Variants in DBP observed in about 807,000 individuals in gnomAD.
The protein encoded by DBP is D-box binding PAR bZIP transcription factor.
A neutral mutation model predicts 21.4 loss-of-function variants in DBP; 12 were observed. That is an observed-to-expected ratio of 0.56 (90% CI 0.36 to 0.91). The LOEUF is 0.91. Among genes scored for constraint, DBP ranks in the 40% least tolerant of loss-of-function variants. The pLI is 0.01. For synonymous variants in DBP, 213 were observed against 224.9 expected (o/e 0.95, Z 0.47); for missense variants, 423 against 473.4 (o/e 0.89, Z 0.99).
Position 48,635,700 on chromosome 19 carries a change from G to T in DBP, c.430C>A (p.Pro144Thr). 7.5e-7 allele frequency: 1 copy of T among 1,325,178 alleles called. No homozygotes were observed. The highest frequency in any genetic ancestry group is 9.6e-7 in the Non-Finnish European group (1 of 1,046,000). 82.1% of individuals were successfully genotyped at this position (1,325,178 alleles called of 1,614,324 possible). ...PPGGPSPEPSPARTPAPSPGP... is the reference protein window; with the variant it reads ...PPGGPSPEPSTARTPAPSPGP... ...GGGGAGGGTGCGGGCGTCCGCGCGG[G>T]CGACGGCTCCGGCGACGGGCCACCG... Residue 144 changes from proline (P) to threonine (T), a missense_variant, in exon 2 of 4, where the codon CCC becomes ACC. Coordinates refer to ENST00000222122, the MANE Select transcript of DBP (RefSeq NM_001352.5).
rs1249559952 is a variant in DBP at position 48,630,257 on chromosome 19, G to C, written c.*580C>G. Reference sequence around the variant, plus strand: ...AGGAGGGGCAGGTTCCCCGGGGCCGGCGCTAGGATTTGCACTAATGTTCCT... The same window carrying C: ...AGGAGGGGCAGGTTCCCCGGGGCCGCCGCTAGGATTTGCACTAATGTTCCT... On this transcript the variant is annotated 3_prime_UTR_variant, in exon 4 of 4. Coordinates refer to ENST00000222122, the MANE Select transcript of DBP (RefSeq NM_001352.5). The surrounding 1 kb of genome is among the most constrained non-coding windows in gnomAD (Gnocchi z 4.9). 4 of 1,283,078 alleles carry C rather than the reference G, an allele frequency of 3.1e-6. No homozygotes were observed. Among genetic ancestry groups the C allele is most frequent in the African/African-American group, 1.5e-5 (1 of 64,956 alleles). The allele number at this position is 1,283,078 out of a possible 1,614,324, so 79.5% of individuals were successfully genotyped here.
Position 48,630,435 on chromosome 19 carries a change from C to T in DBP, c.*402G>A. 2 of 1,434,262 alleles carry T rather than the reference C, an allele frequency of 1.4e-6. No individual in the cohort carries two copies. Among genetic ancestry groups the T allele is most frequent in the Non-Finnish European group, 1.8e-6 (2 of 1,097,442 alleles). The allele number at this position is 1,434,262 out of a possible 1,614,324, so 88.8% of individuals were successfully genotyped here. ...TTCTGCCCTTCCTCCATCCGACAGC[C>T]CGCGGGAGGACTCAGACTCCAGCAC... On this transcript the variant is annotated 3_prime_UTR_variant, in exon 4 of 4. Transcript: ENST00000222122. The surrounding 1 kb of genome is among the most constrained non-coding windows in gnomAD (Gnocchi z 4.9).
chr19:48,630,702 A>G lies in DBP; in HGVS notation c.*135T>C. 1 of 1,411,006 alleles carries G rather than the reference A, an allele frequency of 7.1e-7. No individual in the cohort carries two copies. Among genetic ancestry groups the G allele is most frequent in the Non-Finnish European group, 9.4e-7 (1 of 1,068,672 alleles). The allele number at this position is 1,411,006 out of a possible 1,614,324, so 87.4% of individuals were successfully genotyped here. A position where few individuals can be genotyped will look rare whatever the true frequency, so the allele number is the denominator to read the frequency against. ...AGGCTCGCTTTTTCTTAAAAATATAAATGTATTTATCTGCATTATCACGTC... is the reference window on the plus strand; with the variant it reads ...AGGCTCGCTTTTTCTTAAAAATATAGATGTATTTATCTGCATTATCACGTC... On this transcript the variant is annotated 3_prime_UTR_variant, in exon 4 of 4. Transcript: ENST00000222122. This position sits in a 1 kb window ranked among gnomAD's most constrained non-coding sequence, Gnocchi z 4.9.
Position 48,633,669 on chromosome 19 carries a change from C to CA in DBP, c.551-15dup. 1 of 1,610,162 alleles carries CA rather than the reference C, an allele frequency of 6.2e-7. No homozygotes were observed. Among genetic ancestry groups the CA allele is most frequent in the Non-Finnish European group, 8.5e-7 (1 of 1,176,992 alleles). The stretch of plus-strand genomic sequence containing the variant: ...GAGAGGTCAGGCCTTGGGGAAACAG[C>CA]ACGTGTCAGCTGAGTGTGTATTTTA... On this transcript the variant is annotated splice_polypyrimidine_tract_variant and intron_variant, in intron 2 of 3. Coordinates refer to ENST00000222122, the MANE Select transcript of DBP (RefSeq NM_001352.5).
Position 48,630,607 on chromosome 19 carries a change from G to C in DBP, c.*230C>G. On this transcript the variant is annotated 3_prime_UTR_variant, in exon 4 of 4. Transcript: ENST00000222122. This position sits in a 1 kb window ranked among gnomAD's most constrained non-coding sequence, Gnocchi z 4.9. The stretch of plus-strand genomic sequence containing the variant: ...CAGGATCGTGTTAACGGAGGCGGTG[G>C]GAGGATAGGGTCCCTGACGTGCCGG... The C allele has an allele frequency of 6.5e-7, 1 of 1,527,066 alleles. No homozygotes were observed. Among genetic ancestry groups the C allele is most frequent in the South Asian group, 1.2e-5 (1 of 82,666 alleles). 94.6% of individuals were successfully genotyped at this position (1,527,066 alleles called of 1,614,324 possible). A position where few individuals can be genotyped will look rare whatever the true frequency, so the allele number is the denominator to read the frequency against.
Position 48,635,857 on chromosome 19 carries a change from C to T in DBP, c.273G>A (p.Pro91=), listed in dbSNP as rs2030769040. The T allele has an allele frequency of 8.6e-6, 12 of 1,396,930 alleles. No individual in the cohort carries two copies. The highest frequency in any genetic ancestry group is 1.6e-5 in the South Asian group (1 of 63,478). 86.5% of individuals were successfully genotyped at this position (1,396,930 alleles called of 1,614,324 possible). A position where few individuals can be genotyped will look rare whatever the true frequency, so the allele number is the denominator to read the frequency against. The change falls in exon 2 of 4, where the codon CCG becomes CCA. Residue 91 remains proline, a synonymous_variant. Coordinates refer to ENST00000222122, the MANE Select transcript of DBP (RefSeq NM_001352.5). Reference sequence around the variant, plus strand: ...ACAGACCCGGGGCGGGCACCGGCCCCGGGCGCCCCCGCGGGGACCCTCCGC... The same window carrying T: ...ACAGACCCGGGGCGGGCACCGGCCCTGGGCGCCCCCGCGGGGACCCTCCGC... ...VVGGGSPRGR[P]GPVPAPGLLA... is the part of the protein sequence containing the mutation.
At position 48,630,960 on chromosome 19, in the gene DBP, C is replaced by T. The variant is rs1253401852; in HGVS notation, c.855G>A (p.Val285=). The change falls in exon 4 of 4, where the codon GTG becomes GTA. Residue 285 remains valine (V), a synonymous_variant. Transcript: ENST00000222122. The surrounding 1 kb of genome is among the most constrained non-coding windows in gnomAD (Gnocchi z 4.9). ...ARRLKENQIS[V]RAAFLEKENA... ...TCTCCTTCTCCAGGAAGGCCGCCCGCACCGATATCTGGTTCTCCTTGAGCC... is the reference window on the plus strand; with the variant it reads ...TCTCCTTCTCCAGGAAGGCCGCCCGTACCGATATCTGGTTCTCCTTGAGCC... 1.2e-6 allele frequency: 2 copies of T among 1,613,482 alleles called. No individual in the cohort carries two copies. Among genetic ancestry groups the T allele is most frequent in the Non-Finnish European group, 1.7e-6 (2 of 1,179,926 alleles).
chr19:48,636,088 G>A (rs1000188827), intron 1 of DBP, 98 bp from the exon 2 acceptor site: 11 of 1,190,386 alleles, frequency 9.2e-6, no homozygotes, highest in African/African-American at 3.2e-5. Flanking sequence ...CGGAGATCCA[G>A]AGAAAGAGGG....
At chr19:48,633,113 C>T in intron 3 of DBP, 1 of 539,766 alleles carries the variant, frequency 1.9e-6, no homozygotes, top group East Asian at 3.2e-5. Flanking sequence ...CCCACCTCAG[C>T]CTCCCAAGTG....
intron 3 of DBP, chr19:48,631,525 G>C (rs939436861): frequency 6.4e-6 from 1 of 156,536 alleles, no homozygotes; most frequent in African/African-American, 2.4e-5. Context: ...CTTCTGACCT[G>C]GTTGCCAAGG....
In DBP at chr19:48,630,931, G is replaced by T; in HGVS notation, c.884C>A (p.Ala295Asp). ...GGCCACAACTTCCTGCCGCAGCAGG[G>T]CGTTCTCCTTCTCCAGGAAGGCCGC... ...VRAAFLEKEN[A>D]LLRQEVVAVR... The change falls in exon 4 of 4, where the codon GCC becomes GAC. Residue 295 changes from alanine to aspartate, a missense_variant. This residue lies in a region of DBP where 30 missense variants were observed against 70.9 expected (regional missense o/e 0.42). Coordinates refer to ENST00000222122, the MANE Select transcript of DBP (RefSeq NM_001352.5). This position sits in a 1 kb window ranked among gnomAD's most constrained non-coding sequence, Gnocchi z 4.9. 6.2e-7 allele frequency: 1 copy of T among 1,611,694 alleles called. No homozygotes were observed. The highest frequency in any genetic ancestry group is 8.5e-7 in the Non-Finnish European group (1 of 1,179,242).
At chr19:48,631,221 G>T in intron 3 of DBP, 169 bp from the exon 4 acceptor site, 1 of 617,908 alleles carries the variant, frequency 1.6e-6, no homozygotes, top group Non-Finnish European at 2.8e-6. Context: ...TGGGCCCCTA[G>T]CAACAGTAAA....
At chr19:48,633,936 C>T (rs1428087381) in intron 2 of DBP, 1 of 445,432 alleles carries the variant, frequency 2.2e-6, no homozygotes, top group Non-Finnish European at 4.1e-6. Context: ...CTCATCTTTA[C>T]TAAAAGTACG....
At chr19:48,635,178 C>A in intron 2 of DBP, 1 of 1,058,008 alleles carries the variant, frequency 9.5e-7, no homozygotes, top group Non-Finnish European at 1.1e-6. Context: ...CTGTAAAGGA[C>A]CTAGGGGCTC....
At position 48,630,847 on chromosome 19, in the gene DBP, C is replaced by G; in HGVS notation, c.968G>C (p.Gly323Ala). ...GGATGTGGGGCAGCCTCACAGGGCC[C>G]CGTGCTGGGCCTGGTATCGGGACAG... ...AVLSRYQAQH[G>A]AL Residue 323 changes from glycine to alanine, a missense_variant, in exon 4 of 4, where the codon GGG becomes GCG. This residue lies in a region of DBP where 33 missense variants were observed against 31.7 expected (regional missense o/e 1.04). Transcript: ENST00000222122. This position sits in a 1 kb window ranked among gnomAD's most constrained non-coding sequence, Gnocchi z 4.9. The G allele has an allele frequency of 6.3e-7, 1 of 1,594,604 alleles. No individual in the cohort carries two copies. The highest frequency in any genetic ancestry group is 2.3e-5 in the East Asian group (1 of 44,086).
At position 48,630,297 on chromosome 19, in the gene DBP, G is replaced by T; in HGVS notation, c.*540C>A. On this transcript the variant is annotated 3_prime_UTR_variant, in exon 4 of 4. Coordinates refer to ENST00000222122, the MANE Select transcript of DBP (RefSeq NM_001352.5). This position sits in a 1 kb window ranked among gnomAD's most constrained non-coding sequence, Gnocchi z 4.9. ...CTAATGTTCCTCTCCCCGCGGGTGG[G>T]GGCGGGGAAATTCATATCCCCTGTT... is the stretch of plus-strand genomic sequence containing the variant. 7.8e-7 allele frequency: 1 copy of T among 1,288,578 alleles called. No individual in the cohort carries two copies. The highest frequency in any genetic ancestry group is 9.8e-7 in the Non-Finnish European group (1 of 1,018,708). 79.8% of individuals were successfully genotyped at this position (1,288,578 alleles called of 1,614,324 possible).
rs2030847018 is a variant in DBP, at chr19:48,637,269, G to A, written c.-275C>T. 2.7e-6 allele frequency: 1 copy of A among 376,436 alleles called. No individual in the cohort carries two copies. The highest frequency in any genetic ancestry group is 4.8e-6 in the Non-Finnish European group (1 of 210,480). 23.3% of individuals were successfully genotyped at this position (376,436 alleles called of 1,614,324 possible). A position where few individuals can be genotyped will look rare whatever the true frequency, so the allele number is the denominator to read the frequency against. Reference sequence around the variant, plus strand: ...AAGCGGTCGGCTCTTTGCAACCGAGGGTGAGAGGGGACTCAAGGCGCTCCT... The same window carrying A: ...AAGCGGTCGGCTCTTTGCAACCGAGAGTGAGAGGGGACTCAAGGCGCTCCT... On this transcript the variant is annotated 5_prime_UTR_variant, in exon 1 of 4. Transcript: ENST00000222122.
rs1455490320 is a variant in DBP at position 48,635,609 on chromosome 19, G to A, written c.521C>T (p.Ala174Val). ...GCGGTGGCCGCTGGCGGTCCCGAGG[G>A]CAGCCCGGGCGGGGGCGTGCCCAGG... is the stretch of plus-strand genomic sequence containing the variant. ...SSPGHAPARA[A>V]LGTASGHRAG... The change falls in exon 2 of 4, where the codon GCC becomes GTC. Residue 174 changes from alanine (A) to valine (V), a missense_variant. Ala to Val is a moderately conservative substitution (Grantham distance 64, BLOSUM62 0). Coordinates refer to ENST00000222122, the MANE Select transcript of DBP (RefSeq NM_001352.5). The A allele has an allele frequency of 5.2e-6, 7 of 1,351,214 alleles. No individual in the cohort carries two copies. In the African/African-American group the frequency reaches 7.7e-5, roughly 15 times the overall value. The allele number at this position is 1,351,214 out of a possible 1,614,324, so 83.7% of individuals were successfully genotyped here. A position where few individuals can be genotyped will look rare whatever the true frequency, so the allele number is the denominator to read the frequency against.
At chr19:48,634,683 G>A (rs908613165) in intron 2 of DBP, 1 of 985,300 alleles carries the variant, frequency 1.0e-6, no homozygotes, top group Non-Finnish European at 1.2e-6. Flanking sequence ...CGCGGAGGAG[G>A]GATGGGAGGA....
Sources: allele counts gnomAD v4.1 joint callset, GRCh38; gene constraint gnomAD v4.1.1; regional missense constraint gnomAD v4.1.1; non-coding constraint Gnocchi (gnomAD v3.1); transcripts MANE v1.5; gene names NCBI Gene and HGNC (gene_info 2026-07-23, HGNC 2026-07-21).